The following IWS1 variants were observed in gnomAD, a reference collection of about 807,000 sequenced individuals.
IWS1 encodes interacts with SUPT6H, CTD assembly factor 1, also known as protein IWS1 homolog.
Under a neutral mutation model 86.7 loss-of-function variants are expected in IWS1, and 27 were observed. That is an observed-to-expected ratio of 0.31 (90% CI 0.23 to 0.43). IWS1 has a LOEUF of 0.43. IWS1 is among the 20% of genes least tolerant of loss of function. IWS1 has a pLI of 1.00. For synonymous variants in IWS1, 313 were observed against 335.1 expected, an observed-to-expected ratio of 0.93 and a Z score of 0.72; for missense variants, 827 against 1,000.8, an observed-to-expected ratio of 0.83 and a Z score of 2.34.
At chr2:127,486,706 G>T in intron 12 of IWS1, 42 bp from the exon 13 acceptor site, 1 of 1,471,612 alleles carries the variant, frequency 6.8e-7, no homozygotes, top group Non-Finnish European at 9.5e-7. Flanking sequence ...TATGTGGCCA[G>T]CCACAGTGGG....
At chr2:127,482,085 G>A (rs1365642063) in intron 13 of IWS1, among the ~76,000 whole-genome samples, 1 of 152,202 alleles carries the variant, frequency 6.6e-6, no homozygotes, top group African/African-American at 2.4e-5. Flanking sequence ...CAATTCAGAT[G>A]TTTAAGAATG....
chr2:127,481,114 T>C lies in IWS1; in HGVS notation c.2390A>G (p.Asp797Gly). 1.2e-6 allele frequency: 2 copies of C among 1,612,642 alleles called. No individual in the cohort carries two copies. Among genetic ancestry groups the C allele is most frequent in the Non-Finnish European group, 1.7e-6 (2 of 1,179,606 alleles). Residue 797 changes from aspartate (D) to glycine (G), a missense_variant, in exon 14 of 14, where the codon GAT becomes GGT. Physicochemically the swap from Asp to Gly is moderately conservative, Grantham distance 94. This residue lies in a region of IWS1 where 279 missense variants were observed against 440.6 expected (regional missense o/e 0.63). Coordinates refer to ENST00000295321, the MANE Select transcript of IWS1 (RefSeq NM_017969.3). ...RLDKQMRKFT[D>G]IRKKSRSAHA... Reference sequence around the variant, plus strand: ...TGCAGATCTGCTTTTTTTCCTTATATCTGTGAACTTTCTCATCTGTTTATC... The same window carrying C: ...TGCAGATCTGCTTTTTTTCCTTATACCTGTGAACTTTCTCATCTGTTTATC...
chr2:127,518,990 T>A (rs1489244396), intron 2 of IWS1, among the ~76,000 whole-genome samples: 1 of 152,212 alleles, frequency 6.6e-6, no homozygotes, highest in African/African-American at 2.4e-5. Context: ...CTGGCTCAAA[T>A]ATAGACCAAC....
intron 2 of IWS1, among the ~76,000 whole-genome samples, chr2:127,506,922 G>A (rs7598346): frequency 0.12 from 18,662 of 152,116 alleles, 1,844 homozygotes; most frequent in African/African-American, 0.26. Context: ...TTTAGGATCC[G>A]GTGAATTTTT....
In IWS1 at chr2:127,489,151, G is replaced by A. The variant is rs1431622617; in HGVS notation, c.2216+28C>T. 6.5e-7 allele frequency: 1 copy of A among 1,544,066 alleles called. No individual in the cohort carries two copies. The highest frequency in any genetic ancestry group is 1.4e-5 in the African/African-American group (1 of 73,286). ...AAACGGAAATTCTCTATATAGTCTA[G>A]GAAGAAAAATTAACATTAAAACCTT... On this transcript the variant is annotated intron_variant, in intron 12 of 13. Transcript: ENST00000295321. The surrounding 1 kb of genome is among the most constrained non-coding windows in gnomAD (Gnocchi z 4.8).
At chr2:127,511,288 C>T (rs971039985) in intron 2 of IWS1, 1 of 152,206 alleles carries the variant, frequency 6.6e-6, no homozygotes, top group African/African-American at 2.4e-5. Context: ...GATCAAAGGA[C>T]ATTTTCCTAA....
chr2:127,494,409 T>C (rs1199050887), intron 8 of IWS1: 1 of 152,672 alleles, frequency 6.5e-6, no homozygotes, highest in Admixed American at 6.5e-5. Context: ...AGATTTACTA[T>C]TTTCCATCAC....
intron 9 of IWS1, chr2:127,492,974 A>G (rs1244430995): frequency 2.1e-5 from 4 of 187,614 alleles, no homozygotes; most frequent in East Asian, 2.6e-4. Context: ...GCAAGTTCAT[A>G]TGATTCTGAA....
chr2:127,516,863 T>A (rs1349154193), intron 2 of IWS1, among the ~76,000 whole-genome samples: 1 of 151,544 alleles, frequency 6.6e-6, no homozygotes, highest in South Asian at 2.1e-4. Context: ...TTCTCCAGGA[T>A]AGACTATGTG....
At chr2:127,497,093 T>C (rs1402985449) in intron 6 of IWS1, among the ~76,000 whole-genome samples, 1 of 130,354 alleles carries the variant, frequency 7.7e-6, no homozygotes, top group Non-Finnish European at 1.8e-5. Context: ...TAATGACACA[T>C]TTTTCAGAAT....
chr2:127,484,750 C>T (rs1208197408), intron 13 of IWS1: 2 of 152,212 alleles, frequency 1.3e-5, no homozygotes, highest in Non-Finnish European at 2.9e-5. Flanking sequence ...TGCCTGTAAT[C>T]CCTTTGGGAG....
intron 2 of IWS1, among the ~76,000 whole-genome samples, chr2:127,507,394 G>C (rs997485962): frequency 6.6e-6 from 1 of 152,088 alleles, no homozygotes; most frequent in Non-Finnish European, 1.5e-5. Context: ...AGCACATTCA[G>C]GTAAGTTTCC....
intron 3 of IWS1, among the ~76,000 whole-genome samples, chr2:127,504,007 A>G (rs545624565): frequency 6.6e-6 from 1 of 152,344 alleles, no homozygotes; most frequent in East Asian, 1.9e-4. Flanking sequence ...ATTGCTGGTC[A>G]GTTTGAAATT....
intron 13 of IWS1, among the ~76,000 whole-genome samples, chr2:127,483,623 TGC>T (rs749580884): frequency 0.31 from 2,873 of 9,360 alleles, 216 homozygotes; most frequent in Non-Finnish European, 0.49. Context: ...TGTGTGTGTG[TGC>T]GTGTGCGTGT....
At chr2:127,496,419 G>A (rs1690515285) in intron 6 of IWS1, among the ~76,000 whole-genome samples, 1 of 152,072 alleles carries the variant, frequency 6.6e-6, no homozygotes, top group Non-Finnish European at 1.5e-5. Context: ...AGCATACAGT[G>A]TTTATAAAGC....
chr2:127,485,852 G>C (rs188979058), intron 13 of IWS1: 1 of 152,474 alleles, frequency 6.6e-6, no homozygotes, highest in East Asian at 1.9e-4. Context: ...CCCATGCACA[G>C]TACATGCTTC....
At chr2:127,526,641 T>C, upstream of IWS1, 6 of 1,328,148 alleles carry the variant, frequency 4.5e-6, no homozygotes, top group South Asian at 1.2e-5. Flanking sequence ...AATACCTTCC[T>C]CGGGTGGATC....
intron 2 of IWS1, among the ~76,000 whole-genome samples, chr2:127,521,124 G>A (rs996329151): frequency 2.6e-5 from 4 of 152,224 alleles, no homozygotes; most frequent in East Asian, 1.9e-4. Context: ...GCGTGGTAGC[G>A]CACTGTAATC....
chr2:127,511,621 C>T (rs1329302841), intron 2 of IWS1, among the ~76,000 whole-genome samples: 1 of 152,188 alleles, frequency 6.6e-6, no homozygotes, highest in Non-Finnish European at 1.5e-5. Context: ...ATCTGATACA[C>T]TGACCTTAAG....
Sources: gnomAD v4.1 joint callset for allele counts (sites outside exome capture counted in the v4.1 genomes callset) on GRCh38, gnomAD v4.1.1 for gene constraint, gnomAD v4.1.1 regional missense constraint, Gnocchi (gnomAD v3.1) non-coding constraint, MANE v1.5 for transcripts, NCBI Gene and HGNC (gene_info 2026-07-23, HGNC 2026-07-21) for gene names.